TMEM131: variants seen among roughly 807,000 people sequenced by gnomAD.
The protein encoded by TMEM131 is 2610524E03Rik.
In TMEM131, 66 loss-of-function variants were observed where a neutral mutation model predicts 211.6. The observed-to-expected ratio is 0.31, with a 90% CI of 0.26 to 0.38. TMEM131 has a LOEUF of 0.38. Ranked by LOEUF, TMEM131 falls within the 10% of genes least tolerant of loss-of-function variation. TMEM131 has a pLI of 1.00. For synonymous variants in TMEM131, 844 were observed against 841.3 expected (o/e 1.00, Z -0.06); for missense variants, 2,036 against 2,299.3 (o/e 0.89, Z 2.34).
chr2:97,781,444 C>T (rs2104840897), intron 31 of TMEM131, among the ~76,000 whole-genome samples: 1 of 152,284 alleles, frequency 6.6e-6, no homozygotes, highest in East Asian at 1.9e-4. Flanking sequence ...TGGTTATGAC[C>T]AATGAGTTTG....
chr2:97,950,973 C>T (rs1459901442), intron 1 of TMEM131, among the ~76,000 whole-genome samples: 2 of 152,156 alleles, frequency 1.3e-5, no homozygotes, highest in Non-Finnish European at 2.9e-5. Context: ...CCAAGAGGAA[C>T]TCATTTCCTA....
intron 7 of TMEM131, among the ~76,000 whole-genome samples, chr2:97,837,487 T>C (rs994975982): frequency 1.4e-4 from 21 of 152,232 alleles, no homozygotes; most frequent in African/African-American, 1.9e-4. Flanking sequence ...TACCAAGTTT[T>C]GGAAACATAA....
rs372037688 is a variant in TMEM131 at position 97,811,265 on chromosome 2, C to T, written c.1864-33G>A. Reference sequence around the variant, plus strand: ...TAGTAGAAATGGTATCATTCATTAGCCTTGTTAGTTGAAGTTTCCTATTAA... The same window carrying T: ...TAGTAGAAATGGTATCATTCATTAGTCTTGTTAGTTGAAGTTTCCTATTAA... On this transcript the variant is annotated intron_variant, in intron 17 of 40. Coordinates refer to ENST00000186436, the MANE Select transcript of TMEM131 (RefSeq NM_015348.2). 4.7e-5 allele frequency: 72 copies of T among 1,538,618 alleles called. No individual in the cohort carries two copies. The South Asian group carries it at 7.4e-4, about 16-fold the overall frequency.
rs760139293 is a variant in TMEM131 at position 97,793,463 on chromosome 2, C to T, written c.3477G>A (p.Ser1159=). ...GCCTTCCCACATCGAAGGGCGGGTT[C>T]GAGGCCTCAAAGGATAGCCGCCTTC... ...PFRRRLSFEA[S]NPPFDVGRPF... is the part of the protein sequence containing the mutation. Residue 1159 remains serine (S), a synonymous_variant, in exon 30 of 41, where the codon TCG becomes TCA. Transcript: ENST00000186436. The T allele has an allele frequency of 2.0e-5, 32 of 1,613,802 alleles. No homozygotes were observed. The highest frequency in any genetic ancestry group is 5.0e-5 in the Admixed American group (3 of 60,004).
intron 22 of TMEM131, among the ~76,000 whole-genome samples, chr2:97,804,397 G>C (rs1386355856): frequency 2.6e-5 from 4 of 152,014 alleles, no homozygotes; most frequent in South Asian, 2.1e-4. Flanking sequence ...GGGCACAGTG[G>C]GTCACGCCTG....
At chr2:97,782,747 A>G (rs1245586437) in intron 31 of TMEM131, among the ~76,000 whole-genome samples, 2 of 152,190 alleles carry the variant, frequency 1.3e-5, no homozygotes, top group African/African-American at 4.8e-5. Context: ...GAGACAGGAA[A>G]TAATCAGTAA....
intron 4 of TMEM131, 96 bp downstream of exon 4, chr2:97,887,956 C>T: frequency 2.1e-6 from 2 of 948,162 alleles, no homozygotes; most frequent in South Asian, 1.6e-5. Flanking sequence ...GTAACTTTCC[C>T]ACATAGATGT....
chr2:97,911,511 T>C (rs1008377317), intron 2 of TMEM131: 2 of 365,240 alleles, frequency 5.5e-6, no homozygotes, highest in African/African-American at 4.4e-5. Context: ...ACATGAAGTC[T>C]ACAGAAAAGG....
chr2:97,944,870 AT>A (rs1480033152), intron 1 of TMEM131, among the ~76,000 whole-genome samples: 1 of 152,206 alleles, frequency 6.6e-6, no homozygotes, highest in Non-Finnish European at 1.5e-5. Flanking sequence ...GTAACATAAA[AT>A]GGAGCAGCCA....
At chr2:97,981,059 A>AAAAAAAAAAAAAAT (rs1679772739) in intron 1 of TMEM131, among the ~76,000 whole-genome samples, 1 of 140,920 alleles carries the variant, frequency 7.1e-6, no homozygotes, top group Non-Finnish European at 1.5e-5. Flanking sequence ...AAAAAAAAAA[A>AAAAAAAAAAAAAAT]AAAAAAAAGT....
intron 17 of TMEM131, among the ~76,000 whole-genome samples, chr2:97,812,000 T>C (rs1325654355): frequency 6.6e-6 from 1 of 152,178 alleles, no homozygotes; most frequent in Admixed American, 6.5e-5. Context: ...TCAAACAATG[T>C]TTGCCTCACT....
chr2:97,839,723 C>G (rs897776226), intron 7 of TMEM131, among the ~76,000 whole-genome samples: 22 of 152,232 alleles, frequency 1.4e-4, no homozygotes, highest in Non-Finnish European at 2.8e-4. Context: ...TATGCAATAG[C>G]TATCAGCTAC....
At chr2:97,820,855 A>T (rs181927913) in intron 11 of TMEM131, among the ~76,000 whole-genome samples, 3 of 139,676 alleles carry the variant, frequency 2.1e-5, no homozygotes, top group Non-Finnish European at 1.6e-5. Flanking sequence ...GACTCCTTCT[A>T]AAAAAAAAAA....
At chr2:97,894,691 T>C (rs560019388) in intron 3 of TMEM131, among the ~76,000 whole-genome samples, 1 of 152,138 alleles carries the variant, frequency 6.6e-6, no homozygotes, top group East Asian at 1.9e-4. Flanking sequence ...TATTAGCGTA[T>C]AGGAACGCTT....
chr2:97,824,085 A>G (rs2105019286), intron 11 of TMEM131, among the ~76,000 whole-genome samples: 1 of 152,354 alleles, frequency 6.6e-6, no homozygotes, highest in South Asian at 2.1e-4. Flanking sequence ...GAGCAGGCCA[A>G]TCACCTGGTA....
chr2:97,847,528 TGAA>T (rs1559398599), intron 5 of TMEM131, among the ~76,000 whole-genome samples: 1 of 152,146 alleles, frequency 6.6e-6, no homozygotes, highest in African/African-American at 2.4e-5. Flanking sequence ...TGAAAGTAAC[TGAA>T]GAAGACAAAT....
intron 31 of TMEM131, among the ~76,000 whole-genome samples, chr2:97,779,950 T>G (rs1052717386): frequency 4.0e-5 from 6 of 150,992 alleles, no homozygotes; most frequent in Non-Finnish European, 8.9e-5. Context: ...AGCCCAGGAG[T>G]TTGAGGTTAT....
In TMEM131 at chr2:97,995,477, T is replaced by G; in HGVS notation, c.186A>C (p.Glu62Asp). Residue 62 changes from glutamate (E) to aspartate (D), a missense_variant and splice_region_variant, in exon 1 of 41, where the codon GAA becomes GAC. Physicochemically the swap from Glu to Asp is conservative, Grantham distance 45. Transcript: ENST00000186436. The part of the protein sequence containing the change: ...LVVAAARAEK[E>D]AFVQSESIIE... ...GGGACGCCGCCGGGGGACACCCACCTTCCTTCTCGGCCCGCGCCGCAGCCA... is the reference window on the plus strand; with the variant it reads ...GGGACGCCGCCGGGGGACACCCACCGTCCTTCTCGGCCCGCGCCGCAGCCA... 7.1e-7 allele frequency: 1 copy of G among 1,403,232 alleles called. No homozygotes were observed. The allele number at this position is 1,403,232 out of a possible 1,614,324, so 86.9% of individuals were successfully genotyped here.
intron 1 of TMEM131, among the ~76,000 whole-genome samples, chr2:97,944,940 T>C (rs970522330): frequency 2.6e-5 from 4 of 152,162 alleles, no homozygotes; most frequent in African/African-American, 7.2e-5. Flanking sequence ...CCATACAATA[T>C]ACCAATTATA....
Sources: gnomAD v4.1 joint callset for allele counts (sites outside exome capture counted in the v4.1 genomes callset) on GRCh38, gnomAD v4.1.1 for gene constraint, MANE v1.5 for transcripts, NCBI Gene and HGNC (gene_info 2026-07-23, HGNC 2026-07-21) for gene names.